CACNA2D3: variants seen among roughly 807,000 people sequenced by gnomAD.
CACNA2D3 encodes voltage-dependent calcium channel subunit alpha-2/delta-3.
Under a neutral mutation model 160.6 loss-of-function variants are expected in CACNA2D3, and 60 were observed. The observed-to-expected ratio is 0.37, with a 90% confidence interval of 0.30 to 0.46. The LOEUF (loss-of-function observed/expected upper bound fraction) is 0.46. Among genes scored for constraint, CACNA2D3 ranks in the 20% least tolerant of loss-of-function variants. CACNA2D3 has a pLI of 1.00. For synonymous variants in CACNA2D3, 558 were observed against 492.9 expected (o/e 1.13, Z -1.75); for missense variants, 1,205 against 1,365.0 (o/e 0.88, Z 1.85).
intron 9 of CACNA2D3, among the ~76,000 whole-genome samples, chr3:54,600,556 A>G (rs1370403106): frequency 1.3e-5 from 2 of 152,142 alleles, no homozygotes; most frequent in Non-Finnish European, 2.9e-5. Flanking sequence ...TCTCATTAGC[A>G]TTCCACTCAG....
rs56816802 is a variant in CACNA2D3 at position 54,500,504 on chromosome 3, TCTTCCTTC to T, written c.382-2944_382-2937del. 8.3e-3 allele frequency among the ~76,000 whole-genome samples: 847 copies of T among 102,024 alleles called. 11 individuals are homozygous for T. Among genetic ancestry groups the T allele is most frequent in the African/African-American group, 0.023 (543 of 23,884 alleles). 66.9% of individuals were successfully genotyped at this position (102,024 alleles called of 152,430 possible). On this transcript the variant is annotated intron_variant, in intron 4 of 37. Transcript: ENST00000474759. Reference sequence around the variant, plus strand: ...TCCTTCCTATCTTCCTTCCTTCCTATCTTCCTTCCTTCCTTCCTTCCTTCCTTCCTTCC... The same window carrying T: ...TCCTTCCTATCTTCCTTCCTTCCTATCTTCCTTCCTTCCTTCCTTCCTTCC...
At chr3:54,687,139 T>TTTTTTTTTTTTTTTTTTTTTTTTTG (rs1700474874) in intron 11 of CACNA2D3, among the ~76,000 whole-genome samples, 1 of 64,880 alleles carries the variant, frequency 1.5e-5, no homozygotes, top group Non-Finnish European at 3.2e-5. Flanking sequence ...TTTTTTGTTT[T>TTTTTTTTTTTTTTTTTTTTTTTTTG]TTTTTTTTTT....
chr3:55,025,724 G>T (rs754927918), intron 35 of CACNA2D3, among the ~76,000 whole-genome samples: 3 of 150,598 alleles, frequency 2.0e-5, no homozygotes, highest in Non-Finnish European at 1.5e-5. Flanking sequence ...CTAATACCAC[G>T]TTGGGTTGAA....
intron 11 of CACNA2D3, among the ~76,000 whole-genome samples, chr3:54,719,510 T>C (rs552258051): frequency 2.6e-5 from 4 of 152,202 alleles, no homozygotes; most frequent in African/African-American, 9.6e-5. Flanking sequence ...AATTCAACTT[T>C]GTCATAATAT....
intron 2 of CACNA2D3, among the ~76,000 whole-genome samples, chr3:54,239,972 A>G (rs1248261444): frequency 6.6e-6 from 1 of 152,244 alleles, no homozygotes; most frequent in Admixed American, 6.5e-5. Flanking sequence ...TGCTGTAATA[A>G]TCACTGCAAA....
chr3:54,174,628 C>T (rs1461823101), intron 2 of CACNA2D3, among the ~76,000 whole-genome samples: 1 of 152,182 alleles, frequency 6.6e-6, no homozygotes, highest in African/African-American at 2.4e-5. Flanking sequence ...GGGTTCGCGC[C>T]ATTCTCCTGC....
At chr3:54,912,596 A>C (rs1196691914) in intron 27 of CACNA2D3, among the ~76,000 whole-genome samples, 1 of 151,928 alleles carries the variant, frequency 6.6e-6, no homozygotes, top group African/African-American at 2.4e-5. Flanking sequence ...CATTTCCTTC[A>C]GGTCTCTCCT....
chr3:54,177,431 G>A (rs1480774179), intron 2 of CACNA2D3, among the ~76,000 whole-genome samples: 1 of 152,112 alleles, frequency 6.6e-6, no homozygotes, highest in Non-Finnish European at 1.5e-5. Flanking sequence ...TCACATTTCA[G>A]GACTAGGTTG....
At chr3:55,055,225 T>G (rs1334329890) in intron 35 of CACNA2D3, among the ~76,000 whole-genome samples, 1 of 152,082 alleles carries the variant, frequency 6.6e-6, no homozygotes, top group Non-Finnish European at 1.5e-5. Context: ...TATTTTGAGT[T>G]GATTTTTGTA....
At chr3:54,370,836 GAA>G in intron 3 of CACNA2D3, among the ~76,000 whole-genome samples, 1 of 85,756 alleles carries the variant, frequency 1.2e-5, no homozygotes, top group South Asian at 3.8e-4. Flanking sequence ...CCCGACTCCA[GAA>G]AAAAAAAAAA....
chr3:54,323,270 G>T (rs1704045896), intron 3 of CACNA2D3, among the ~76,000 whole-genome samples: 1 of 152,136 alleles, frequency 6.6e-6, no homozygotes, highest in Non-Finnish European at 1.5e-5. Context: ...CTGTTTGCCT[G>T]TGAGATTTGT....
intron 35 of CACNA2D3, among the ~76,000 whole-genome samples, chr3:55,024,860 T>G (rs1703531615): frequency 6.6e-6 from 1 of 152,226 alleles, no homozygotes; most frequent in African/African-American, 2.4e-5. Flanking sequence ...AGCTATAGCA[T>G]ATATGTCTCA....
At chr3:54,138,979 C>T (rs1699870382) in intron 2 of CACNA2D3, among the ~76,000 whole-genome samples, 1 of 152,184 alleles carries the variant, frequency 6.6e-6, no homozygotes, top group African/African-American at 2.4e-5. Context: ...CAGAGAGACA[C>T]TGGGCTGGAG....
intron 35 of CACNA2D3, among the ~76,000 whole-genome samples, chr3:55,043,884 C>G (rs1356256250): frequency 6.6e-6 from 1 of 152,146 alleles, no homozygotes; most frequent in East Asian, 1.9e-4. Flanking sequence ...TGTCATTTCT[C>G]CACTGACTTG....
At chr3:54,683,657 TAGG>T (rs1253654215) in intron 11 of CACNA2D3, among the ~76,000 whole-genome samples, 4 of 152,160 alleles carry the variant, frequency 2.6e-5, no homozygotes, top group Non-Finnish European at 5.9e-5. Flanking sequence ...CTTCCTTTCT[TAGG>T]AGAACTATTG....
In CACNA2D3 at chr3:54,284,683, G is replaced by A. The variant is rs188382318; in HGVS notation, c.205-35759G>A. On this transcript the variant is annotated intron_variant, in intron 2 of 37. Transcript: ENST00000474759. ...AATTTTGGTGGAATAGAGCTCCTTC[G>A]GTACCAGTACTTCTTAATAAAAATA... Among the ~76,000 whole-genome samples, 759 of 152,194 alleles carry A rather than the reference G, an allele frequency of 5.0e-3. 4 individuals carry two copies. Among genetic ancestry groups the A allele is most frequent in the African/African-American group, 0.018 (729 of 41,542 alleles).
At chr3:54,262,851 C>A (rs1702430433) in intron 2 of CACNA2D3, among the ~76,000 whole-genome samples, 1 of 152,064 alleles carries the variant, frequency 6.6e-6, no homozygotes, top group African/African-American at 2.4e-5. Flanking sequence ...TTTTTCATTT[C>A]CTTTTTGTTT....
intron 5 of CACNA2D3, among the ~76,000 whole-genome samples, chr3:54,538,539 G>T (rs1559507468): frequency 6.6e-6 from 1 of 152,098 alleles, no homozygotes; most frequent in African/African-American, 2.4e-5. Flanking sequence ...ATGCTCCTCT[G>T]ACAACACAAG....
chr3:54,774,196 A>G (rs1025397588), intron 13 of CACNA2D3, among the ~76,000 whole-genome samples: 2 of 152,198 alleles, frequency 1.3e-5, no homozygotes, highest in African/African-American at 4.8e-5. Context: ...CAGGGGTTGT[A>G]TTAGTTTCTT....
Sources: allele counts gnomAD v4.1 joint callset (sites outside exome capture counted in the v4.1 genomes callset), GRCh38; gene constraint gnomAD v4.1.1; transcripts MANE v1.5; gene names NCBI Gene and HGNC (gene_info 2026-07-23, HGNC 2026-07-21).